SCHIP1: variants seen among roughly 807,000 people sequenced by gnomAD.
SCHIP1 encodes schwannomin interacting protein 1, also known as schwannomin-interacting protein 1.
Under a neutral mutation model 29.7 loss-of-function variants are expected in SCHIP1, and 8 were observed. That is an observed-to-expected ratio of 0.27 (90% CI 0.16 to 0.49). SCHIP1 has a LOEUF of 0.49. SCHIP1 is among the 20% of genes least tolerant of loss of function. The pLI is 0.99. For missense variants in SCHIP1, 193 were observed against 294.6 expected (o/e 0.66, Z 2.52); for synonymous variants, 76 against 94.9 (o/e 0.80, Z 1.16).
intron 2 of SCHIP1, among the ~76,000 whole-genome samples, chr3:159,868,389 C>G (rs1242533380): frequency 6.6e-6 from 1 of 152,006 alleles, no homozygotes; most frequent in East Asian, 1.9e-4. Flanking sequence ...AGTGATTTAG[C>G]TCTTTTTTTA....
chr3:159,293,165 A>C, the SCHIP1 span, among the ~76,000 whole-genome samples: 2 of 152,238 alleles, frequency 1.3e-5, no homozygotes, highest in African/African-American at 2.4e-5. Context: ...ATATTTGCGT[A>C]CATTACCTAT....
chr3:159,461,658 C>T, the SCHIP1 span, among the ~76,000 whole-genome samples: 10 of 151,314 alleles, frequency 6.6e-5, no homozygotes, highest in Non-Finnish European at 1.5e-4. Flanking sequence ...TCACTGCAAC[C>T]TCCGCCTCCC....
At chr3:159,639,356 A>T in the SCHIP1 span, among the ~76,000 whole-genome samples, 1 of 152,200 alleles carries the variant, frequency 6.6e-6, no homozygotes. Context: ...GTTTGGTAAC[A>T]AACACTCCAG....
the SCHIP1 span, among the ~76,000 whole-genome samples, chr3:159,345,254 A>C: frequency 6.6e-6 from 1 of 151,888 alleles, no homozygotes; most frequent in African/African-American, 2.4e-5. Flanking sequence ...AAAAATGCTA[A>C]ATCGCAGTGA....
At chr3:159,677,423 G>C in the SCHIP1 span, among the ~76,000 whole-genome samples, 1 of 152,132 alleles carries the variant, frequency 6.6e-6, no homozygotes, top group Non-Finnish European at 1.5e-5. Context: ...GGGATAGGAA[G>C]AGAAGGGAGT....
the SCHIP1 span, among the ~76,000 whole-genome samples, chr3:159,318,781 G>A: frequency 6.6e-6 from 1 of 152,124 alleles, no homozygotes; most frequent in Non-Finnish European, 1.5e-5. Flanking sequence ...TCTGATTATG[G>A]AATGCTGCTG....
At chr3:159,399,916 G>C in the SCHIP1 span, among the ~76,000 whole-genome samples, 11 of 152,300 alleles carry the variant, frequency 7.2e-5, no homozygotes, top group Admixed American at 2.0e-4. Flanking sequence ...GACCTCCAGT[G>C]ATCATCCTGC....
chr3:159,341,131 T>A, the SCHIP1 span, among the ~76,000 whole-genome samples: 1 of 151,900 alleles, frequency 6.6e-6, no homozygotes, highest in African/African-American at 2.4e-5. Context: ...GTCCCTGGAG[T>A]GTTTTCTTTG....
chr3:159,515,763 T>A, the SCHIP1 span, among the ~76,000 whole-genome samples: 1 of 152,200 alleles, frequency 6.6e-6, no homozygotes, highest in South Asian at 2.1e-4. Context: ...CTTTGTTAGT[T>A]CACTGATTTC....
At chr3:159,702,092 T>C in the SCHIP1 span, among the ~76,000 whole-genome samples, 1 of 152,200 alleles carries the variant, frequency 6.6e-6, no homozygotes, top group Non-Finnish European at 1.5e-5. Context: ...AACTGGGAAA[T>C]AAATCCATTT....
At chr3:159,455,761 G>C in the SCHIP1 span, among the ~76,000 whole-genome samples, 1 of 152,214 alleles carries the variant, frequency 6.6e-6, no homozygotes, top group African/African-American at 2.4e-5. Context: ...TGCAGGCAGG[G>C]TTGAGAGGCC....
chr3:159,391,411 C>T, the SCHIP1 span, among the ~76,000 whole-genome samples: 3 of 152,042 alleles, frequency 2.0e-5, no homozygotes, highest in African/African-American at 7.2e-5. Flanking sequence ...TAAGGAAAAC[C>T]TTTAGATATC....
At chr3:159,816,741 T>C in the SCHIP1 span, among the ~76,000 whole-genome samples, 1 of 152,254 alleles carries the variant, frequency 6.6e-6, no homozygotes, top group Non-Finnish European at 1.5e-5. Flanking sequence ...TGGTCTCATT[T>C]CTTACCACTC....
the SCHIP1 span, among the ~76,000 whole-genome samples, chr3:159,355,938 G>A: frequency 6.7e-6 from 1 of 150,002 alleles, no homozygotes; most frequent in Non-Finnish European, 1.5e-5. Context: ...GGCTGATTCT[G>A]TTCATAAGAA....
chr3:159,513,089 AAGT>A, the SCHIP1 span, among the ~76,000 whole-genome samples: 211 of 152,322 alleles, frequency 1.4e-3, no homozygotes, highest in South Asian at 0.026. Flanking sequence ...GTTTGTTTTA[AAGT>A]ATGCAAAATT....
the SCHIP1 span, among the ~76,000 whole-genome samples, chr3:159,749,131 CG>C: frequency 6.6e-6 from 1 of 151,860 alleles, no homozygotes; most frequent in African/African-American, 2.4e-5. Flanking sequence ...AAAAGTTAGC[CG>C]GGTGTGGTGG....
the SCHIP1 span, among the ~76,000 whole-genome samples, chr3:159,507,823 G>A: frequency 2.0e-5 from 3 of 152,204 alleles, no homozygotes; most frequent in African/African-American, 7.2e-5. Context: ...AAGCCCACTT[G>A]ATCATAGTGG....
At chr3:159,570,164 T>G in the SCHIP1 span, among the ~76,000 whole-genome samples, 1 of 152,180 alleles carries the variant, frequency 6.6e-6, no homozygotes, top group Non-Finnish European at 1.5e-5. Context: ...CCCATTTGTC[T>G]ATTTTGGCTT....
At chr3:159,735,498 G>T in the SCHIP1 span, among the ~76,000 whole-genome samples, 3 of 152,028 alleles carry the variant, frequency 2.0e-5, no homozygotes, top group Admixed American at 6.6e-5. Context: ...CCAAAGTGCT[G>T]GGATTACAGA....
Sources: allele counts gnomAD v4.1 joint callset (sites outside exome capture counted in the v4.1 genomes callset), GRCh38; gene constraint gnomAD v4.1.1; transcripts MANE v1.5; gene names NCBI Gene and HGNC (gene_info 2026-07-23, HGNC 2026-07-21).